The following ARHGAP17 variants were observed in gnomAD, a reference collection of about 807,000 sequenced individuals.
The protein encoded by ARHGAP17 is Rho GTPase activating protein 17.
In ARHGAP17, 57 loss-of-function variants were observed where a neutral mutation model predicts 99.5. That is an observed-to-expected ratio of 0.57 (90% CI 0.46 to 0.71). The LOEUF (loss-of-function observed/expected upper bound fraction) is 0.71. Among genes scored for constraint, ARHGAP17 ranks in the 30% least tolerant of loss-of-function variants. ARHGAP17 has a pLI of 0.00. For missense variants in ARHGAP17, 1,000 were observed against 1,122.4 expected (o/e 0.89, Z 1.56); for synonymous variants, 417 against 429.6 (o/e 0.97, Z 0.36).
rs763769060 is a variant in ARHGAP17, at chr16:24,968,388, C to T, written c.424G>A (p.Ala142Thr). 2.4e-5 allele frequency: 38 copies of T among 1,614,246 alleles called. No homozygotes were observed. The highest frequency in any genetic ancestry group is 1.5e-4 in the Admixed American group (9 of 60,034). ...PNIQKQRKQLARLVLDWDSVR... is the reference protein window; with the variant it reads ...PNIQKQRKQLTRLVLDWDSVR... ...GAATCCCAGTCTAACACCAATCTTG[C>T]AAGCTGCTTCCTCTGCTTCTGGATG... Residue 142 changes from alanine to threonine, a missense_variant, in exon 6 of 20, where the codon GCA becomes ACA. This residue lies in a region of ARHGAP17 where 472 missense variants were observed against 611.1 expected (regional missense o/e 0.77). Coordinates refer to ENST00000289968, the MANE Select transcript of ARHGAP17 (RefSeq NM_001006634.3).
intron 1 of ARHGAP17, among the ~76,000 whole-genome samples, chr16:24,990,623 C>T (rs1289774641): frequency 6.6e-6 from 1 of 151,976 alleles, no homozygotes; most frequent in East Asian, 1.9e-4. Context: ...CACCACTGCA[C>T]TCCAGCCTGG....
At chr16:24,973,943 G>A (rs748934373) in intron 3 of ARHGAP17, among the ~76,000 whole-genome samples, 9 of 152,236 alleles carry the variant, frequency 5.9e-5, no homozygotes, top group Non-Finnish European at 1.0e-4. Flanking sequence ...GGCTGGCACA[G>A]GGTGTGAACG....
At chr16:24,935,666 C>T (rs368647727) in intron 17 of ARHGAP17, 27 bp from the exon 18 acceptor site, 38 of 1,609,772 alleles carry the variant, frequency 2.4e-5, no homozygotes, top group East Asian at 2.0e-4. Flanking sequence ...TCAAGTTAGA[C>T]GTCAGACAAT....
intron 7 of ARHGAP17, among the ~76,000 whole-genome samples, chr16:24,961,968 G>GTTTAT: frequency 9.5e-6 from 1 of 105,726 alleles, no homozygotes; most frequent in Non-Finnish European, 1.9e-5. Flanking sequence ...TGTAGAGAGA[G>GTTTAT]TTTGTTTTTT....
At chr16:24,929,830 T>C (rs1375130292) in intron 19 of ARHGAP17, among the ~76,000 whole-genome samples, 1 of 152,344 alleles carries the variant, frequency 6.6e-6, no homozygotes, top group East Asian at 1.9e-4. Context: ...CGTCACCCTT[T>C]GGGTTAATGG....
chr16:24,944,160 A>C (rs1000131510), intron 14 of ARHGAP17, among the ~76,000 whole-genome samples: 1 of 151,452 alleles, frequency 6.6e-6, no homozygotes, highest in African/African-American at 2.4e-5. Flanking sequence ...AGTCCCAGCT[A>C]CTCGGGAGGC....
chr16:24,936,557 T>C (rs1201451370), intron 17 of ARHGAP17: 1 of 151,904 alleles, frequency 6.6e-6, no homozygotes, highest in South Asian at 2.1e-4. Context: ...AATACAAATA[T>C]TAGCCAGGCG....
At chr16:24,929,512 T>C (rs2050926452) in intron 19 of ARHGAP17, 4 of 856,694 alleles carry the variant, frequency 4.7e-6, no homozygotes, top group African/African-American at 1.8e-5. Flanking sequence ...CGGCTGCTCC[T>C]GAGCACATGG....
chr16:24,980,183 C>A (rs2052634105), intron 1 of ARHGAP17, among the ~76,000 whole-genome samples: 1 of 152,086 alleles, frequency 6.6e-6, no homozygotes, highest in South Asian at 2.1e-4. Flanking sequence ...AATGAGACCC[C>A]TAGAATGACC....
chr16:24,947,106 T>C (rs905657875), intron 14 of ARHGAP17, among the ~76,000 whole-genome samples: 1 of 152,236 alleles, frequency 6.6e-6, no homozygotes, highest in East Asian at 1.9e-4. Flanking sequence ...ACCTGTCTTA[T>C]GTCCATTTAG....
chr16:24,990,741 T>G (rs981803152), intron 1 of ARHGAP17, among the ~76,000 whole-genome samples: 3 of 148,774 alleles, frequency 2.0e-5, no homozygotes, highest in African/African-American at 7.4e-5. Flanking sequence ...CTAAAACAAA[T>G]GAATTAGAAC....
chr16:25,002,739 G>C (rs2053396086), intron 1 of ARHGAP17, among the ~76,000 whole-genome samples: 1 of 152,082 alleles, frequency 6.6e-6, no homozygotes, highest in South Asian at 2.1e-4. Flanking sequence ...AAAGCAATGG[G>C]AGTATTAAAC....
intron 1 of ARHGAP17, among the ~76,000 whole-genome samples, chr16:24,987,632 T>C (rs560999176): frequency 5.3e-5 from 8 of 151,988 alleles, no homozygotes; most frequent in Admixed American, 1.3e-4. Flanking sequence ...AACCCAAGGA[T>C]GGCAAATATG....
intron 19 of ARHGAP17, 108 bp downstream of exon 19, chr16:24,930,676 G>C (rs745997500): frequency 1.9e-6 from 3 of 1,592,172 alleles, no homozygotes; most frequent in Non-Finnish European, 2.6e-6. Flanking sequence ...TTTGGCTTGC[G>C]GGTGTAGTTT....
chr16:24,971,974 C>T (rs1459812900), intron 3 of ARHGAP17, among the ~76,000 whole-genome samples: 3 of 152,196 alleles, frequency 2.0e-5, no homozygotes, highest in Admixed American at 2.0e-4. Flanking sequence ...TACAAGTGGG[C>T]TGGTTATAAC....
intron 1 of ARHGAP17, among the ~76,000 whole-genome samples, chr16:25,010,507 T>C (rs2053617384): frequency 6.6e-6 from 1 of 152,204 alleles, no homozygotes; most frequent in Non-Finnish European, 1.5e-5. Flanking sequence ...TCAGACCTTT[T>C]CAAGATTTTA....
chr16:25,003,038 C>CAAAAAA (rs1177218423), intron 1 of ARHGAP17, among the ~76,000 whole-genome samples: 71 of 53,176 alleles, frequency 1.3e-3, no homozygotes, highest in Non-Finnish European at 1.7e-3. Flanking sequence ...GACTCCGTCT[C>CAAAAAA]AAAAAAAAAA....
chr16:24,950,836 C>CAAAAAAAAAAAAAAAAAAAAAAAAAA (rs1177614713), intron 12 of ARHGAP17, among the ~76,000 whole-genome samples: 12 of 39,430 alleles, frequency 3.0e-4, no homozygotes, highest in African/African-American at 1.3e-3. Flanking sequence ...GACTCCAACT[C>CAAAAAAAAAAAAAAAAAAAAAAAAAA]AAAAAAAAAA....
At chr16:24,961,520 T>A (rs1463613815) in intron 7 of ARHGAP17, among the ~76,000 whole-genome samples, 29 of 89,022 alleles carry the variant, frequency 3.3e-4, no homozygotes, top group African/African-American at 1.9e-4. Flanking sequence ...AAAAAAAAAT[T>A]TTTTTTTTTT....
Sources: gnomAD v4.1 joint callset for allele counts (sites outside exome capture counted in the v4.1 genomes callset) on GRCh38, gnomAD v4.1.1 for gene constraint, gnomAD v4.1.1 regional missense constraint, MANE v1.5 for transcripts, NCBI Gene and HGNC (gene_info 2026-07-23, HGNC 2026-07-21) for gene names.